The following SPAG16 variants were observed in gnomAD, a reference collection of about 807,000 sequenced individuals.
The protein encoded by SPAG16 is sperm-associated antigen 16 protein.
SPAG16 carries 86 observed loss-of-function variants against 80.4 expected under a neutral mutation model. The ratio of observed to expected loss-of-function variants is 1.07; its 90% confidence interval spans 0.90 to 1.28. The LOEUF is 1.28. SPAG16 is among the 50% of genes most tolerant of loss of function. SPAG16 has a pLI of 0.00. For synonymous variants in SPAG16, 294 were observed against 265.9 expected (o/e 1.11, Z -1.03); for missense variants, 870 against 765.3 (o/e 1.14, Z -1.61).
chr2:214,260,475 G>C (rs147667575), intron 15 of SPAG16, among the ~76,000 whole-genome samples: 9 of 152,028 alleles, frequency 5.9e-5, no homozygotes, highest in African/African-American at 1.9e-4. Context: ...CTGTGTTATA[G>C]ATGCCAAACA....
chr2:213,486,865 A>G (rs1862944), intron 9 of SPAG16, among the ~76,000 whole-genome samples: 3,540 of 152,184 alleles, frequency 0.023, 64 homozygotes, highest in South Asian at 0.038. Context: ...ACATGCCACT[A>G]GTTGCAGAAA....
chr2:213,462,127 G>A lies in SPAG16; in HGVS notation c.943-27836G>A, dbSNP rs2072406377. On this transcript the variant is annotated intron_variant, in intron 9 of 15. Transcript: ENST00000331683. The stretch of plus-strand genomic sequence containing the variant: ...TAAATAAGAGGCAAGGCATTGTGTA[G>A]TACAATTTTTAAGAGATTGACTTGT... 2.6e-5 allele frequency among the ~76,000 whole-genome samples: 4 copies of A among 152,180 alleles called. No individual in the cohort carries two copies. The South Asian group carries it at 8.3e-4, about 32-fold the overall frequency.
chr2:214,307,965 C>G (rs1341327400), intron 15 of SPAG16, among the ~76,000 whole-genome samples: 1 of 152,162 alleles, frequency 6.6e-6, no homozygotes, highest in Non-Finnish European at 1.5e-5. Context: ...TCTCAATTAT[C>G]TGTCTAATAT....
intron 10 of SPAG16, among the ~76,000 whole-genome samples, chr2:213,859,916 T>C (rs1416136081): frequency 6.6e-6 from 1 of 152,232 alleles, no homozygotes; most frequent in Admixed American, 6.5e-5. Context: ...TTCATTTCAC[T>C]TGTGAGAACT....
intron 15 of SPAG16, among the ~76,000 whole-genome samples, chr2:214,313,891 T>C (rs1442603988): frequency 6.6e-6 from 1 of 152,138 alleles, no homozygotes; most frequent in Non-Finnish European, 1.5e-5. Context: ...GGCTCGTATC[T>C]TTATTAGCTG....
At chr2:214,144,232 A>G (rs1179063110) in intron 14 of SPAG16, among the ~76,000 whole-genome samples, 2 of 152,198 alleles carry the variant, frequency 1.3e-5, no homozygotes, top group African/African-American at 4.8e-5. Flanking sequence ...TGATATTTGA[A>G]TAATATATAA....
chr2:213,576,485 A>G (rs1316527730), intron 10 of SPAG16, among the ~76,000 whole-genome samples: 1 of 152,194 alleles, frequency 6.6e-6, no homozygotes, highest in Non-Finnish European at 1.5e-5. Flanking sequence ...ATATACCCAA[A>G]GGAATATAAA....
At chr2:214,135,122 A>G (rs1408559091) in intron 14 of SPAG16, among the ~76,000 whole-genome samples, 1 of 152,168 alleles carries the variant, frequency 6.6e-6, no homozygotes, top group East Asian at 1.9e-4. Context: ...TAGGTGATCA[A>G]TTTGTATTCT....
intron 10 of SPAG16, among the ~76,000 whole-genome samples, chr2:213,577,005 T>G (rs920126783): frequency 2.6e-5 from 4 of 152,138 alleles, no homozygotes; most frequent in African/African-American, 9.7e-5. Context: ...CATATTTCTT[T>G]GCTACCCATG....
chr2:214,368,831 C>T (rs1699644258), intron 15 of SPAG16, among the ~76,000 whole-genome samples: 1 of 152,022 alleles, frequency 6.6e-6, no homozygotes, highest in Non-Finnish European at 1.5e-5. Context: ...ACCCTTATAC[C>T]TCTAAGAATC....
At chr2:213,739,755 C>A (rs1245335288) in intron 10 of SPAG16, among the ~76,000 whole-genome samples, 1 of 152,114 alleles carries the variant, frequency 6.6e-6, no homozygotes, top group East Asian at 1.9e-4. Context: ...GCATGGGCCA[C>A]CACGGCCAGC....
At chr2:213,812,809 A>T (rs374001087) in intron 10 of SPAG16, among the ~76,000 whole-genome samples, 2 of 152,142 alleles carry the variant, frequency 1.3e-5, no homozygotes, top group East Asian at 1.9e-4. Flanking sequence ...TGGGACGAGT[A>T]CTTAAAACTA....
chr2:213,285,873 A>G (rs1289231552), intron 1 of SPAG16: 1 of 1,288,584 alleles, frequency 7.8e-7, no homozygotes, highest in East Asian at 5.6e-5. Flanking sequence ...CGATTTTCAT[A>G]ATTCTTCCTA....
At chr2:213,778,841 C>A (rs1207113319) in intron 10 of SPAG16, among the ~76,000 whole-genome samples, 1 of 152,102 alleles carries the variant, frequency 6.6e-6, no homozygotes, top group African/African-American at 2.4e-5. Flanking sequence ...GAATTTTTTT[C>A]AGTTCCATGT....
At chr2:213,450,091 G>T (rs1483315437) in intron 9 of SPAG16, among the ~76,000 whole-genome samples, 1 of 152,146 alleles carries the variant, frequency 6.6e-6, no homozygotes, top group African/African-American at 2.4e-5. Flanking sequence ...GATCACCAGG[G>T]GTCAGGAGTT....
intron 10 of SPAG16, among the ~76,000 whole-genome samples, chr2:213,669,956 G>A (rs1440139960): frequency 6.6e-6 from 1 of 151,846 alleles, no homozygotes; most frequent in African/African-American, 2.4e-5. Flanking sequence ...CATGAAAATG[G>A]AGGCTTTTTT....
At chr2:213,336,987 GC>G (rs2064397423) in intron 5 of SPAG16, among the ~76,000 whole-genome samples, 3 of 152,164 alleles carry the variant, frequency 2.0e-5, no homozygotes, top group African/African-American at 7.2e-5. Context: ...TCAGGTTGGT[GC>G]CCCTCTGGGA....
intron 9 of SPAG16, among the ~76,000 whole-genome samples, chr2:213,421,955 G>T (rs1015617735): frequency 6.6e-6 from 1 of 152,162 alleles, no homozygotes; most frequent in Non-Finnish European, 1.5e-5. Flanking sequence ...GGTCTCCTGA[G>T]AGCTGTTCTC....
intron 10 of SPAG16, among the ~76,000 whole-genome samples, chr2:213,755,469 C>T (rs2068281302): frequency 6.6e-6 from 1 of 152,148 alleles, no homozygotes; most frequent in Admixed American, 6.6e-5. Context: ...AAGTGATCCA[C>T]TAAAAAAGTA....
Sources: gnomAD v4.1 joint callset for allele counts (sites outside exome capture counted in the v4.1 genomes callset) on GRCh38, gnomAD v4.1.1 for gene constraint, MANE v1.5 for transcripts, NCBI Gene and HGNC (gene_info 2026-07-23, HGNC 2026-07-21) for gene names.